Variants in MAP3K13 observed in about 807,000 individuals in gnomAD.
MAP3K13 encodes the protein mitogen-activated protein kinase kinase kinase 13, also known as leucine zipper-bearing kinase.
A neutral mutation model predicts 104.0 loss-of-function variants in MAP3K13; 52 were observed. That is an observed-to-expected ratio of 0.50 (90% CI 0.40 to 0.63). The LOEUF (loss-of-function observed/expected upper bound fraction) is 0.63, where lower values mean the gene tolerates loss of function less well. MAP3K13 is among the 20% of genes least tolerant of loss of function. The pLI is 0.00. For synonymous variants in MAP3K13, 394 were observed against 442.2 expected (o/e 0.89, Z 1.37); for missense variants, 914 against 1,218.5 (o/e 0.75, Z 3.72).
In MAP3K13 at chr3:185,388,825, A is replaced by T. The variant is rs568877372; in HGVS notation, c.-86+25457A>T. Among the ~76,000 whole-genome samples the T allele has an allele frequency of 7.9e-5, 12 of 152,348 alleles. No homozygotes were observed. The South Asian group carries it at 2.5e-3, about 32-fold the overall frequency. ...GTAACCAAAACAACATGGTATTGGT[A>T]TAAAAACAGACACACAGACCAATGG... On this transcript the variant is annotated intron_variant, in intron 1 of 13. Transcript: ENST00000265026.
chr3:185,422,513 G>A (rs916955839), intron 1 of MAP3K13, among the ~76,000 whole-genome samples: 4 of 152,136 alleles, frequency 2.6e-5, no homozygotes, highest in Non-Finnish European at 5.9e-5. Context: ...TAACCTGTTA[G>A]AGATAGGAAA....
intron 2 of MAP3K13, among the ~76,000 whole-genome samples, chr3:185,316,643 A>G (rs897468491): frequency 6.6e-6 from 1 of 152,220 alleles, no homozygotes; most frequent in Non-Finnish European, 1.5e-5. Context: ...CAAAAAAGGA[A>G]AAAACAGTTT....
At chr3:185,380,949 T>C (rs577056301) in intron 1 of MAP3K13, among the ~76,000 whole-genome samples, 1 of 101,770 alleles carries the variant, frequency 9.8e-6, no homozygotes, top group Non-Finnish European at 2.4e-5. Flanking sequence ...GGTTTTTTTG[T>C]TTTTTTTTTG....
chr3:185,417,664 G>T, intron 1 of MAP3K13: 1 of 1,612,326 alleles, frequency 6.2e-7, no homozygotes, highest in South Asian at 1.1e-5. Context: ...CTTCTTGCCT[G>T]CAACCGCCGC....
chr3:185,465,948 T>A, intron 9 of MAP3K13, 85 bp downstream of exon 9: 1 of 975,622 alleles, frequency 1.0e-6, no homozygotes, highest in African/African-American at 1.6e-5. Flanking sequence ...TTGCTGCTAC[T>A]CAGAACTGGC....
At chr3:185,297,699 C>T (rs982879495) in intron 2 of MAP3K13, among the ~76,000 whole-genome samples, 13 of 150,478 alleles carry the variant, frequency 8.6e-5, no homozygotes, top group African/African-American at 3.2e-4. Flanking sequence ...CGTGCCACTG[C>T]ACTCCAGTCT....
At chr3:185,428,014 GGTTGCAGTGAGCCGAGATC>G (rs1714525681) in intron 1 of MAP3K13, among the ~76,000 whole-genome samples, 1 of 151,664 alleles carries the variant, frequency 6.6e-6, no homozygotes, top group Non-Finnish European at 1.5e-5. Flanking sequence ...GGGAAGCGGA[GGTTGCAGTGAGCCGAGATC>G]GCGCCATTGC....
chr3:185,469,489 G>A (rs1338075145), intron 10 of MAP3K13, among the ~76,000 whole-genome samples: 2 of 152,206 alleles, frequency 1.3e-5, no homozygotes, highest in African/African-American at 4.8e-5. Flanking sequence ...GCTTTCTGCA[G>A]TACAAATTGG....
At chr3:185,306,237 G>A (rs1018646091) in intron 2 of MAP3K13, among the ~76,000 whole-genome samples, 2 of 152,128 alleles carry the variant, frequency 1.3e-5, no homozygotes, top group Non-Finnish European at 2.9e-5. Flanking sequence ...GTGCTGTGAT[G>A]TACATGAGTG....
chr3:185,302,207 A>C (rs1391208695), intron 2 of MAP3K13, among the ~76,000 whole-genome samples: 1 of 151,928 alleles, frequency 6.6e-6, no homozygotes, highest in Non-Finnish European at 1.5e-5. Context: ...GTTCGAGACC[A>C]GCCTGGCCAA....
chr3:185,455,563 A>ATATATATGACATATATATCTTATATAT lies in MAP3K13; in HGVS notation c.1278+4168_1278+4169insTATATATGACATATATATCTTATATAT, dbSNP rs1217413167. Among the ~76,000 whole-genome samples the ATATATATGACATATATATCTTATATAT allele has an allele frequency of 1.1e-4, 2 of 18,358 alleles. 1 individual carries two copies. Among genetic ancestry groups the ATATATATGACATATATATCTTATATAT allele is most frequent in the Non-Finnish European group, 2.6e-4 (2 of 7,836 alleles). The allele number at this position is 18,358 out of a possible 152,430, so 12.0% of individuals were successfully genotyped here. Reference sequence around the variant, plus strand: ...ATATGACATATATATGATATATATGAGATATATATGACATATATATGATAT... The same window carrying ATATATATGACATATATATCTTATATAT: ...ATATGACATATATATGATATATATGATATATATGACATATATATCTTATATATGATATATATGACATATATATGATAT... On this transcript the variant is annotated intron_variant, in intron 7 of 13. Transcript: ENST00000265026.
At chr3:185,455,147 G>GTGAGATATATATGATATATA (rs776883341) in intron 7 of MAP3K13, among the ~76,000 whole-genome samples, 24 of 86,980 alleles carry the variant, frequency 2.8e-4, no homozygotes, top group African/African-American at 9.4e-4. Flanking sequence ...TGATATATAT[G>GTGAGATATATATGATATATA]TGAGATATAT....
rs201208899 is a variant in MAP3K13, at chr3:185,343,201, T to C, written c.-86+57558T>C. On this transcript the variant is annotated intron_variant, in intron 2 of 14. Transcript: ENST00000424227. ...ATCCCAGCACCTTTTCTGTATTATA[T>C]TGATTGGAAGCAAGTATTACACTCA... Among the ~76,000 whole-genome samples, 5 of 152,248 alleles carry C rather than the reference T, an allele frequency of 3.3e-5. No individual in the cohort carries two copies. The East Asian group carries it at 7.7e-4, about 24-fold the overall frequency.
Position 185,473,069 on chromosome 3 carries a change from A to C in MAP3K13, c.1738A>C (p.Ser580Arg). 1 of 1,614,220 alleles carries C rather than the reference A, an allele frequency of 6.2e-7. No homozygotes were observed. Among genetic ancestry groups the C allele is most frequent in the Non-Finnish European group, 8.5e-7 (1 of 1,180,036 alleles). ...SGSPKMSTSS[S>R]KSRYRSKPRH... ...AAGTCCCAAAATGTCCACTTCTAGC[A>C]GCAAGAGCCGATATCGAAGCAAACC... The change falls in exon 11 of 14, where the codon AGC becomes CGC. Residue 580 changes from serine to arginine, a missense_variant. Coordinates refer to ENST00000265026, the MANE Select transcript of MAP3K13 (RefSeq NM_004721.5). The surrounding 1 kb of genome is among the most constrained non-coding windows in gnomAD (Gnocchi z 4.9).
intron 2 of MAP3K13, among the ~76,000 whole-genome samples, chr3:185,354,932 A>G (rs1310967451): frequency 6.6e-6 from 1 of 152,196 alleles, no homozygotes; most frequent in African/African-American, 2.4e-5. Flanking sequence ...ATAGAATTTA[A>G]AAGTATAGTC....
At chr3:185,417,176 C>T (rs1365777267) in intron 1 of MAP3K13, among the ~76,000 whole-genome samples, 1 of 152,086 alleles carries the variant, frequency 6.6e-6, no homozygotes, top group Non-Finnish European at 1.5e-5. Flanking sequence ...CATAGTTCCA[C>T]ATATTCTGTA....
At chr3:185,308,805 C>G (rs1721395998) in intron 2 of MAP3K13, among the ~76,000 whole-genome samples, 1 of 152,190 alleles carries the variant, frequency 6.6e-6, no homozygotes, top group Admixed American at 6.5e-5. Context: ...TTATGTAGGG[C>G]TGGACTGGCT....
chr3:185,321,300 T>G (rs556150989), intron 2 of MAP3K13, among the ~76,000 whole-genome samples: 1 of 152,330 alleles, frequency 6.6e-6, no homozygotes, highest in Non-Finnish European at 1.5e-5. Flanking sequence ...GTTTTACATA[T>G]GTATGTGTGT....
intron 2 of MAP3K13, among the ~76,000 whole-genome samples, chr3:185,295,197 T>TTTGTTG (rs570972864): frequency 3.3e-5 from 5 of 151,884 alleles, no homozygotes; most frequent in African/African-American, 7.3e-5. Flanking sequence ...TGTTGTTGTT[T>TTTGTTG]TTGTTGTTGT....
Sources: allele counts gnomAD v4.1 joint callset (sites outside exome capture counted in the v4.1 genomes callset), GRCh38; gene constraint gnomAD v4.1.1; non-coding constraint Gnocchi (gnomAD v3.1); transcripts MANE v1.5; gene names NCBI Gene and HGNC (gene_info 2026-07-23, HGNC 2026-07-21).